ANKRD24: variants seen among roughly 807,000 people sequenced by gnomAD.
ANKRD24 encodes ankyrin repeat domain-containing protein 24.
Under a neutral mutation model 127.8 loss-of-function variants are expected in ANKRD24, and 109 were observed. The observed-to-expected ratio is 0.85, with a 90% CI of 0.73 to 1.00. The LOEUF (loss-of-function observed/expected upper bound fraction) is 1.00. Among genes scored for constraint, ANKRD24 ranks in the 50% least tolerant of loss-of-function variants. The pLI is 0.00. For synonymous variants in ANKRD24, 743 were observed against 671.1 expected (o/e 1.11, Z -1.66); for missense variants, 1,648 against 1,570.2 (o/e 1.05, Z -0.84).
At chr19:4,208,869 A>G (rs1969539916) in intron 11 of ANKRD24, 68 bp downstream of exon 11, 2 of 1,519,964 alleles carry the variant, frequency 1.3e-6, no homozygotes, top group Non-Finnish European at 9.0e-7. Context: ...CCCTGCCCCA[A>G]GCTCTGTGAG....
Position 4,222,522 on chromosome 19 carries a change from C to T in ANKRD24, c.3172-148C>T, listed in dbSNP as rs569803125. 22 of 808,054 alleles carry T rather than the reference C, an allele frequency of 2.7e-5. No homozygotes were observed. The South Asian group carries it at 5.1e-4, about 19-fold the overall frequency. The allele number at this position is 808,054 out of a possible 1,614,324, so 50.1% of individuals were successfully genotyped here. Reference sequence around the variant, plus strand: ...CAATTAAAACAGGCTGTGGGCCAGACGTGGCCCTCAGGCCAGAGTTTGCTA... The same window carrying T: ...CAATTAAAACAGGCTGTGGGCCAGATGTGGCCCTCAGGCCAGAGTTTGCTA... On this transcript the variant is annotated intron_variant, in intron 19 of 21. Coordinates refer to ENST00000318934, the MANE Select transcript of ANKRD24 (RefSeq NM_001393985.1).
intron 20 of ANKRD24, among the ~76,000 whole-genome samples, 189 bp from the exon 21 acceptor site, chr19:4,223,937 TG>T (rs1970600607): frequency 1.3e-5 from 2 of 152,082 alleles, no homozygotes; most frequent in Non-Finnish European, 2.9e-5. Context: ...TGACCTCAAG[TG>T]AGCCACCCAC....
At chr19:4,193,949 G>T (rs1350163897) in intron 2 of ANKRD24, among the ~76,000 whole-genome samples, 3 of 151,722 alleles carry the variant, frequency 2.0e-5, no homozygotes, top group Non-Finnish European at 1.5e-5. Context: ...CTCAGAGAAG[G>T]GTTAGCAAAT....
intron 2 of ANKRD24, among the ~76,000 whole-genome samples, chr19:4,193,860 G>GA (rs1555712214): frequency 2.1e-5 from 3 of 140,692 alleles, no homozygotes; most frequent in African/African-American, 8.2e-5. Context: ...AGGAAGGAAG[G>GA]AAGGAAGGAA....
Position 4,200,276 on chromosome 19 carries a change from A to G in ANKRD24, c.343+105A>G. On this transcript the variant is annotated intron_variant, in intron 5 of 21. Transcript: ENST00000318934. ...CCAGGTCTCAATGTTCCCCGCTGAA[A>G]AAAGGGGAGGCTCCCTCTGGTGCTC... The G allele has an allele frequency of 1.0e-5, 13 of 1,244,026 alleles. No homozygotes were observed. In the South Asian group the frequency reaches 1.9e-4, roughly 18 times the overall value. 77.1% of individuals were successfully genotyped at this position (1,244,026 alleles called of 1,614,324 possible).
intron 1 of ANKRD24, among the ~76,000 whole-genome samples, chr19:4,183,799 C>T (rs922597971): frequency 2.6e-5 from 4 of 151,820 alleles, no homozygotes; most frequent in African/African-American, 4.8e-5. Flanking sequence ...CGCAGCTGCT[C>T]GGGAGGCTGA....
Position 4,216,343 on chromosome 19 carries a change from C to A in ANKRD24, c.1330C>A (p.Leu444Met). 1 of 1,572,272 alleles carries A rather than the reference C, an allele frequency of 6.4e-7. No individual in the cohort carries two copies. Among genetic ancestry groups the A allele is most frequent in the Non-Finnish European group, 8.6e-7 (1 of 1,158,990 alleles). The change falls in exon 17 of 22, where the codon CTG (leucine) becomes ATG (methionine). Residue 444 changes from leucine (L) to methionine (M), a missense_variant. By Grantham distance (15) the Leu-to-Met change is conservative (BLOSUM62 2). Transcript: ENST00000318934. ...GTCGGCCCAGGAACACCTGGCCTCG[C>A]TGCAGGAACAGGTGGCTGTGCTCAC... ...SPSAQEHLASLQEQVAVLTRQ... is the reference protein window; with the variant it reads ...SPSAQEHLASMQEQVAVLTRQ...
At position 4,199,302 on chromosome 19, in the gene ANKRD24, A is replaced by G. The variant is rs1052897493; in HGVS notation, c.37-381A>G. On this transcript the variant is annotated intron_variant, in intron 2 of 21. Transcript: ENST00000318934. This position sits in a 1 kb window ranked among gnomAD's most constrained non-coding sequence, Gnocchi z 5.2. ...TGCTGTGTTGCCTAGGCTGGTCTCA[A>G]AATTCCTGGGCTCAAATGATCCTCC... Among the ~76,000 whole-genome samples, 2 of 152,054 alleles carry G rather than the reference A, an allele frequency of 1.3e-5. No individual in the cohort carries two copies. Among genetic ancestry groups the G allele is most frequent in the Non-Finnish European group, 2.9e-5 (2 of 68,008 alleles).
rs140529152 is a variant in ANKRD24, at chr19:4,205,061, C to A, written c.466+2135C>A. Among the ~76,000 whole-genome samples the A allele has an allele frequency of 4.6e-5, 7 of 152,272 alleles. No individual in the cohort carries two copies. The East Asian group carries it at 1.4e-3, about 29-fold the overall frequency. ...GACCATCCTGGCCAACACGGTGAAA[C>A]CCTGTCTCTACTAAACAATGCAAAA... On this transcript the variant is annotated intron_variant, in intron 7 of 21. Coordinates refer to ENST00000318934, the MANE Select transcript of ANKRD24 (RefSeq NM_001393985.1).
At chr19:4,202,295 C>T (rs1259712460) in intron 6 of ANKRD24, among the ~76,000 whole-genome samples, 2 of 152,158 alleles carry the variant, frequency 1.3e-5, no homozygotes, top group African/African-American at 2.4e-5. Flanking sequence ...AAGCCAGGCG[C>T]GGTGGCTCAC....
chr19:4,210,182 A>C (rs576741328), intron 12 of ANKRD24, 44 bp downstream of exon 12: 2 of 1,571,738 alleles, frequency 1.3e-6, no homozygotes, highest in South Asian at 2.3e-5. Context: ...GGGAGCCCCC[A>C]GGCACGGGGA....
intron 2 of ANKRD24, among the ~76,000 whole-genome samples, chr19:4,190,595 T>TACTCA (rs1232217478): frequency 6.6e-6 from 1 of 152,040 alleles, no homozygotes; most frequent in African/African-American, 2.4e-5. Flanking sequence ...CAGCCGGGCA[T>TACTCA]GGTGGTGGGC....
intron 11 of ANKRD24, among the ~76,000 whole-genome samples, chr19:4,209,417 G>GTT (rs368782082): frequency 1.4e-5 from 2 of 143,012 alleles, no homozygotes; most frequent in Admixed American, 7.0e-5. Flanking sequence ...CCCTCTCCTA[G>GTT]TTTTTTTTTT....
Position 4,200,076 on chromosome 19 carries a change from C to A in ANKRD24, c.255-7C>A. 6.3e-7 allele frequency: 1 copy of A among 1,581,306 alleles called. No individual in the cohort carries two copies. Among genetic ancestry groups the A allele is most frequent in the Admixed American group, 1.8e-5 (1 of 55,248 alleles). ...CTTGCGGCTGAACCCTTGTCTCTCACCTCCAGGTTCCACCTGGCGGCCATG... is the reference window on the plus strand; with the variant it reads ...CTTGCGGCTGAACCCTTGTCTCTCAACTCCAGGTTCCACCTGGCGGCCATG... On this transcript the variant is annotated splice_region_variant and splice_polypyrimidine_tract_variant and intron_variant, in intron 4 of 21. Coordinates refer to ENST00000318934, the MANE Select transcript of ANKRD24 (RefSeq NM_001393985.1).
intron 15 of ANKRD24, among the ~76,000 whole-genome samples, chr19:4,214,100 C>G (rs1969921901): frequency 6.6e-6 from 1 of 152,198 alleles, no homozygotes; most frequent in African/African-American, 2.4e-5. Context: ...GCATGCATTG[C>G]ACGTGCACCC....
rs1344223389 is a variant in ANKRD24 at position 4,195,695 on chromosome 19, G to C, written c.37-3988G>C. Among the ~76,000 whole-genome samples the C allele has an allele frequency of 6.6e-6, 1 of 152,124 alleles. No homozygotes were observed. Among genetic ancestry groups the C allele is most frequent in the Non-Finnish European group, 1.5e-5 (1 of 68,026 alleles). On this transcript the variant is annotated intron_variant, in intron 2 of 21. Transcript: ENST00000318934. The surrounding 1 kb of genome is among the most constrained non-coding windows in gnomAD (Gnocchi z 4.2). ...GGTGGATCACGAGGTCAGAGTTCAA[G>C]ACCAGCCTGGCCAACATGACAAAAC...
At chr19:4,208,892 T>G (rs1247778691) in intron 11 of ANKRD24, 91 bp downstream of exon 11, 10 of 1,411,198 alleles carry the variant, frequency 7.1e-6, no homozygotes, top group Non-Finnish European at 9.8e-6. Context: ...GAGAAGGAAG[T>G]TAGACCTGGG....
chr19:4,207,547 A>G lies in ANKRD24; in HGVS notation c.584A>G (p.Asp195Gly), dbSNP rs758685758. 4 of 1,613,870 alleles carry G rather than the reference A, an allele frequency of 2.5e-6. No homozygotes were observed. In the South Asian group the frequency reaches 4.4e-5, roughly 18 times the overall value. The change falls in exon 9 of 22, where the codon GAC becomes GGC. Residue 195 changes from aspartate (D) to glycine (G), a missense_variant. Physicochemically the swap from Asp to Gly is moderately conservative, Grantham distance 94. Coordinates refer to ENST00000318934, the MANE Select transcript of ANKRD24 (RefSeq NM_001393985.1). Reference sequence around the variant, plus strand: ...ATAGCAGCTCAGATGTGTCACACAGACCTGTGCCGTCTCCTACTGCAGCAA... The same window carrying G: ...ATAGCAGCTCAGATGTGTCACACAGGCCTGTGCCGTCTCCTACTGCAGCAA... ...LIIAAQMCHTDLCRLLLQQGA... is the reference protein window; with the variant it reads ...LIIAAQMCHTGLCRLLLQQGA...
At chr19:4,218,434 G>T (rs1970256096) in intron 18 of ANKRD24, among the ~76,000 whole-genome samples, 1 of 151,854 alleles carries the variant, frequency 6.6e-6, no homozygotes, top group South Asian at 2.1e-4. Context: ...GGAGTAGCTG[G>T]AATTACAGGC....
Sources: gnomAD v4.1 joint callset for allele counts (sites outside exome capture counted in the v4.1 genomes callset) on GRCh38, gnomAD v4.1.1 for gene constraint, Gnocchi (gnomAD v3.1) non-coding constraint, MANE v1.5 for transcripts, NCBI Gene and HGNC (gene_info 2026-07-23, HGNC 2026-07-21) for gene names.